PCDHA3: variants seen among roughly 807,000 people sequenced by gnomAD.
The protein encoded by PCDHA3 is protocadherin alpha-3.
Under a neutral mutation model 62.2 loss-of-function variants are expected in PCDHA3, and 41 were observed. The observed-to-expected ratio is 0.66, with a 90% CI of 0.51 to 0.86. PCDHA3 has a LOEUF of 0.86. Among genes scored for constraint, PCDHA3 ranks in the 40% least tolerant of loss-of-function variants. The probability of loss-of-function intolerance (pLI) is 0.00; values close to 1 mark genes in which losing one functional copy is unlikely to be tolerated. For missense variants in PCDHA3, 1,304 were observed against 1,241.2 expected, an observed-to-expected ratio of 1.05 and a Z score of -0.76; for synonymous variants, 640 against 555.4, an observed-to-expected ratio of 1.15 and a Z score of -2.14.
chr5:140,971,452 T>G (rs1554233345), intron 1 of PCDHA3, among the ~76,000 whole-genome samples: 1 of 152,088 alleles, frequency 6.6e-6, no homozygotes, highest in Admixed American at 6.5e-5. Context: ...CTCCAGAAAT[T>G]TTTGCAGTTA....
chr5:141,003,685 A>G (rs782131958), intron 3 of PCDHA3, among the ~76,000 whole-genome samples: 12 of 152,198 alleles, frequency 7.9e-5, no homozygotes, highest in Non-Finnish European at 1.2e-4. Flanking sequence ...TCTGATTTTA[A>G]AATATATCCC....
At chr5:140,877,141 G>T (rs1554169360) in intron 1 of PCDHA3, 2 of 1,613,680 alleles carry the variant, frequency 1.2e-6, no homozygotes, top group African/African-American at 1.3e-5. Flanking sequence ...GTTCGTGCTG[G>T]ACGAGAACGA....
intron 1 of PCDHA3, among the ~76,000 whole-genome samples, chr5:140,942,271 A>G (rs1421470016): frequency 6.6e-6 from 1 of 152,184 alleles, no homozygotes; most frequent in Non-Finnish European, 1.5e-5. Context: ...AAAGCTGGTA[A>G]TGGTGGCTCA....
chr5:140,967,044 A>G, intron 1 of PCDHA3: 3 of 1,612,116 alleles, frequency 1.9e-6, no homozygotes, highest in Non-Finnish European at 2.5e-6. Context: ...CTGGAGCTGG[A>G]CCTGACGAGT....
At position 140,819,729 on chromosome 5, in the gene PCDHA3, A is replaced by T. The variant is rs1430580335; in HGVS notation, c.2394+16138A>T. On this transcript the variant is annotated intron_variant, in intron 1 of 3. Coordinates refer to ENST00000522353, the MANE Select transcript of PCDHA3 (RefSeq NM_018906.3). ...AAGTAAATATAATTTAACAGATATG[A>T]AAGTGAATCAAAAGTCAAGAGTCTT... 4.6e-5 allele frequency among the ~76,000 whole-genome samples: 7 copies of T among 152,228 alleles called. No individual in the cohort carries two copies. In the East Asian group the frequency reaches 1.2e-3, roughly 25 times the overall value.
At chr5:140,899,654 GTC>G (rs1197760857) in intron 1 of PCDHA3, among the ~76,000 whole-genome samples, 4 of 152,276 alleles carry the variant, frequency 2.6e-5, no homozygotes, top group African/African-American at 9.6e-5. Context: ...ATTTGGTTGT[GTC>G]TCTGCCCGGC....
chr5:140,843,387 C>A (rs2150358876), intron 1 of PCDHA3: 2 of 1,595,950 alleles, frequency 1.3e-6, no homozygotes, highest in East Asian at 4.5e-5. Context: ...GTTTTGGGTC[C>A]GGAAGCGGCG....
At chr5:140,928,712 G>T in intron 1 of PCDHA3, 2 of 1,614,168 alleles carry the variant, frequency 1.2e-6, no homozygotes, top group Non-Finnish European at 1.7e-6. Flanking sequence ...TCTGACTCTA[G>T]TCTCTTTAGA....
chr5:140,856,423 T>G (rs1266159746), intron 1 of PCDHA3: 1 of 1,598,178 alleles, frequency 6.3e-7, no homozygotes, highest in East Asian at 2.2e-5. Context: ...TGAAGGACAT[T>G]AACGACAACC....
chr5:140,968,682 C>T, intron 1 of PCDHA3: 1 of 1,614,128 alleles, frequency 6.2e-7, no homozygotes, highest in Non-Finnish European at 8.5e-7. Flanking sequence ...GAGCTGCACA[C>T]AGGAGAAATT....
At chr5:140,938,606 T>G (rs2092130259) in intron 1 of PCDHA3, among the ~76,000 whole-genome samples, 1 of 152,166 alleles carries the variant, frequency 6.6e-6, no homozygotes, top group African/African-American at 2.4e-5. Flanking sequence ...AATCTTGCAT[T>G]CTTGGAATAA....
intron 1 of PCDHA3, chr5:140,843,459 T>C (rs2150360511): frequency 2.5e-6 from 4 of 1,596,020 alleles, no homozygotes; most frequent in Non-Finnish European, 3.4e-6. Context: ...CTGCTGGTGC[T>C]CACGCTGCTG....
chr5:140,908,846 T>C (rs2074185614), intron 1 of PCDHA3, among the ~76,000 whole-genome samples: 1 of 152,176 alleles, frequency 6.6e-6, no homozygotes, highest in South Asian at 2.1e-4. Context: ...TGGAGTAACA[T>C]ACCCAAATGA....
chr5:140,884,988 ATGTT>A (rs1398620689), intron 1 of PCDHA3, among the ~76,000 whole-genome samples: 1 of 152,242 alleles, frequency 6.6e-6, no homozygotes, highest in Non-Finnish European at 1.5e-5. Context: ...CATTTAGAAA[ATGTT>A]TGTTTTAATG....
At chr5:140,965,281 G>A (rs574183012) in intron 1 of PCDHA3, among the ~76,000 whole-genome samples, 1 of 152,310 alleles carries the variant, frequency 6.6e-6, no homozygotes, top group African/African-American at 2.4e-5. Flanking sequence ...GACACAGCAT[G>A]GAAAGATTTC....
intron 1 of PCDHA3, among the ~76,000 whole-genome samples, chr5:140,921,179 G>A (rs1346400425): frequency 1.3e-5 from 2 of 151,662 alleles, no homozygotes; most frequent in Non-Finnish European, 2.9e-5. Context: ...ATAAAGCACA[G>A]TTTTTTCACA....
intron 1 of PCDHA3, chr5:140,928,017 C>T (rs782665827): frequency 1.2e-6 from 2 of 1,614,064 alleles, no homozygotes; most frequent in East Asian, 4.5e-5. Flanking sequence ...ATGGTAGGGT[C>T]ATTTGTGGCA....
At chr5:140,966,395 T>A in intron 1 of PCDHA3, 1 of 404,602 alleles carries the variant, frequency 2.5e-6, no homozygotes, top group Non-Finnish European at 4.3e-6. Flanking sequence ...GTCCGCCACT[T>A]CGGCGCGGAA....
At chr5:140,979,820 T>A (rs937223402) in intron 2 of PCDHA3, among the ~76,000 whole-genome samples, 19 of 152,198 alleles carry the variant, frequency 1.2e-4, no homozygotes, top group African/African-American at 4.6e-4. Context: ...AGGATTTAAT[T>A]TTAAAGAAGA....
Sources: gnomAD v4.1 joint callset for allele counts (sites outside exome capture counted in the v4.1 genomes callset) on GRCh38, gnomAD v4.1.1 for gene constraint, MANE v1.5 for transcripts, NCBI Gene and HGNC (gene_info 2026-07-23, HGNC 2026-07-21) for gene names.